The following KLRG2 variants were observed in gnomAD, a reference collection of about 807,000 sequenced individuals.
The protein encoded by KLRG2 is killer cell lectin like receptor G2, also known as killer cell lectin-like receptor subfamily G member 2.
In KLRG2, 39 loss-of-function variants were observed where a neutral mutation model predicts 35.4. The ratio of observed to expected loss-of-function variants is 1.10; its 90% CI spans 0.85 to 1.44. The LOEUF is 1.44. Among genes scored for constraint, KLRG2 ranks in the 40% most tolerant of loss-of-function variants. The pLI is 0.00. For missense variants in KLRG2, 632 were observed against 570.9 expected, an observed-to-expected ratio of 1.11 and a Z score of -1.09; for synonymous variants, 283 against 265.8, an observed-to-expected ratio of 1.06 and a Z score of -0.63.
the KLRG2 span, among the ~76,000 whole-genome samples, chr7:139,446,583 C>T: frequency 3.9e-5 from 6 of 151,926 alleles, no homozygotes; most frequent in Non-Finnish European, 4.4e-5. Context: ...TCAAGTGATC[C>T]GCCCTCCTCG....
At chr7:139,441,835 G>C in the KLRG2 span, among the ~76,000 whole-genome samples, 20 of 152,236 alleles carry the variant, frequency 1.3e-4, no homozygotes, top group African/African-American at 3.6e-4. Context: ...CTGAACCAAG[G>C]CTGGCTATTT....
At chr7:139,464,229 C>T (rs1374075183) in intron 3 of KLRG2, among the ~76,000 whole-genome samples, 1 of 152,136 alleles carries the variant, frequency 6.6e-6, no homozygotes, top group Non-Finnish European at 1.5e-5. Context: ...TCATGCACCC[C>T]TTACCATCCC....
the KLRG2 span, among the ~76,000 whole-genome samples, chr7:139,438,925 C>G: frequency 4.3e-3 from 532 of 122,416 alleles, 1 homozygote; most frequent in African/African-American, 0.014. Context: ...TCCCCTCCCC[C>G]CCCCCACCCC....
At chr7:139,435,157 A>T in the KLRG2 span, among the ~76,000 whole-genome samples, 5 of 152,192 alleles carry the variant, frequency 3.3e-5, no homozygotes, top group African/African-American at 7.2e-5. Flanking sequence ...TACCTTTCTT[A>T]AAAAAACTTT....
intron 3 of KLRG2, among the ~76,000 whole-genome samples, chr7:139,475,054 G>A (rs983147836): frequency 2.0e-4 from 30 of 152,224 alleles, no homozygotes; most frequent in African/African-American, 6.8e-4. Context: ...GACAGGCCTC[G>A]CTGGGTTTCC....
intron 1 of KLRG2, 122 bp from the exon 2 acceptor site, chr7:139,480,369 C>A (rs1796934742): frequency 4.9e-6 from 3 of 611,506 alleles, no homozygotes; most frequent in Admixed American, 5.3e-5. Flanking sequence ...ACCCCCTCAG[C>A]CTGGGATGCC....
In KLRG2 at chr7:139,458,167, C is replaced by CAGG. The variant is rs375132039; in HGVS notation, c.1006-3956_1006-3954dup. 4.4e-3 allele frequency among the ~76,000 whole-genome samples: 664 copies of CAGG among 152,234 alleles called. 6 individuals carry two copies. Among genetic ancestry groups the CAGG allele is most frequent in the South Asian group, 0.032 (155 of 4,816 alleles). On this transcript the variant is annotated intron_variant, in intron 3 of 4. Transcript: ENST00000340940. ...CTGAGGAGGGCAGATCACTCAAGCT[C>CAGG]AGGAGTTTGAGACCAGCCTGGGTAA...
chr7:139,429,437 C>CAGAG, the KLRG2 span, among the ~76,000 whole-genome samples: 1 of 149,212 alleles, frequency 6.7e-6, no homozygotes, highest in Non-Finnish European at 1.5e-5. Flanking sequence ...GGGGATTTGG[C>CAGAG]AGAGTCACAG....
At chr7:139,479,527 T>C in intron 3 of KLRG2, 100 bp downstream of exon 3, 1 of 1,233,364 alleles carries the variant, frequency 8.1e-7, no homozygotes, top group South Asian at 1.4e-5. Flanking sequence ...GTGATTTCTA[T>C]AATGAAGAGC....
the KLRG2 span, among the ~76,000 whole-genome samples, chr7:139,433,338 G>A: frequency 0.02 from 3,020 of 151,496 alleles, 33 homozygotes; most frequent in South Asian, 0.05. Flanking sequence ...TTGTTTGTTT[G>A]TTTTTTTGGA....
At chr7:139,469,182 G>C (rs1158331899) in intron 3 of KLRG2, among the ~76,000 whole-genome samples, 2 of 152,150 alleles carry the variant, frequency 1.3e-5, no homozygotes, top group African/African-American at 4.8e-5. Flanking sequence ...ATTTTTTTGA[G>C]ATAGGGTCTC....
chr7:139,461,513 C>T (rs528740907), intron 3 of KLRG2, among the ~76,000 whole-genome samples: 13 of 152,334 alleles, frequency 8.5e-5, no homozygotes, highest in African/African-American at 2.6e-4. Context: ...CTGTGACCTG[C>T]ACGTATACAT....
At chr7:139,467,170 C>T (rs960980985) in intron 3 of KLRG2, among the ~76,000 whole-genome samples, 3 of 152,110 alleles carry the variant, frequency 2.0e-5, no homozygotes, top group Admixed American at 2.0e-4. Flanking sequence ...TAATCCCGCT[C>T]GAAGCAGCCC....
At chr7:139,433,171 A>G in the KLRG2 span, among the ~76,000 whole-genome samples, 1 of 152,162 alleles carries the variant, frequency 6.6e-6, no homozygotes, top group Non-Finnish European at 1.5e-5. Flanking sequence ...AGCAGACCAG[A>G]CTTTCACTCA....
Position 139,453,577 on chromosome 7 carries a change from A to G in KLRG2, c.*10T>C, listed in dbSNP as rs755854666. ...CTGCCTGGCAGGCTGAGGACCAGGC[A>G]GAGCCCAGATCACTGGGTCCCCTTG... On this transcript the variant is annotated 3_prime_UTR_variant, in exon 5 of 5. Transcript: ENST00000340940. 1 of 1,587,582 alleles carries G rather than the reference A, an allele frequency of 6.3e-7. No homozygotes were observed. Among genetic ancestry groups the G allele is most frequent in the South Asian group, 1.1e-5 (1 of 87,348 alleles).
At chr7:139,472,303 C>T (rs1050781188) in intron 3 of KLRG2, among the ~76,000 whole-genome samples, 3 of 152,054 alleles carry the variant, frequency 2.0e-5, no homozygotes, top group East Asian at 1.9e-4. Context: ...AACAAACCGC[C>T]ACAAGAGATT....
chr7:139,479,077 T>C (rs1796907606), intron 3 of KLRG2, among the ~76,000 whole-genome samples: 1 of 152,142 alleles, frequency 6.6e-6, no homozygotes, highest in South Asian at 2.1e-4. Flanking sequence ...AAATTATTTT[T>C]ATTTTTATTT....
At chr7:139,464,172 C>T (rs1796613481) in intron 3 of KLRG2, among the ~76,000 whole-genome samples, 1 of 152,152 alleles carries the variant, frequency 6.6e-6, no homozygotes, top group Admixed American at 6.6e-5. Context: ...ATCTCCCCAC[C>T]TTAATCCACA....
At chr7:139,459,014 T>C (rs1317740361) in intron 3 of KLRG2, among the ~76,000 whole-genome samples, 1 of 152,262 alleles carries the variant, frequency 6.6e-6, no homozygotes, top group African/African-American at 2.4e-5. Context: ...ACAATCATTA[T>C]ATTCCAGATT....
Sources: gnomAD v4.1 joint callset for allele counts (sites outside exome capture counted in the v4.1 genomes callset) on GRCh38, gnomAD v4.1.1 for gene constraint, MANE v1.5 for transcripts, NCBI Gene and HGNC (gene_info 2026-07-23, HGNC 2026-07-21) for gene names.